The following ELL2 variants were observed in gnomAD, a reference collection of about 807,000 sequenced individuals.
ELL2 encodes RNA polymerase II elongation factor ELL2.
In ELL2, 21 loss-of-function variants were observed where a neutral mutation model predicts 72.8. That is an observed-to-expected ratio of 0.29 (90% CI 0.20 to 0.42). The LOEUF (loss-of-function observed/expected upper bound fraction) is 0.42. Ranked by LOEUF, ELL2 falls within the 10% of genes least tolerant of loss-of-function variation. The probability of loss-of-function intolerance (pLI) is 1.00; values close to 1 mark genes in which losing one functional copy is unlikely to be tolerated. For missense variants in ELL2, 568 were observed against 772.8 expected, an observed-to-expected ratio of 0.73 and a Z score of 3.14; for synonymous variants, 266 against 283.2, an observed-to-expected ratio of 0.94 and a Z score of 0.61.
intron 7 of ELL2, 91 bp from the exon 8 acceptor site, chr5:95,898,901 C>G: frequency 7.7e-6 from 7 of 913,658 alleles, no homozygotes; most frequent in African/African-American, 1.7e-5. Context: ...ACTAAGTAAC[C>G]TTACTTACTA....
At chr5:95,935,000 A>G (rs1284631924) in intron 2 of ELL2, among the ~76,000 whole-genome samples, 2 of 152,212 alleles carry the variant, frequency 1.3e-5, no homozygotes, top group African/African-American at 4.8e-5. Context: ...ATGAAGTTCA[A>G]TGTCATAATA....
Position 95,886,293 on chromosome 5 carries a change from T to G in ELL2, c.*2578A>C, listed in dbSNP as rs1009353523. On this transcript the variant is annotated 3_prime_UTR_variant, in exon 12 of 12. Coordinates refer to ENST00000237853, the MANE Select transcript of ELL2 (RefSeq NM_012081.6). ...ATCTTCAAAAGGGATGAAACTTGGATAGTAGCAGATTCAGAGATTTATAAT... is the reference window on the plus strand; with the variant it reads ...ATCTTCAAAAGGGATGAAACTTGGAGAGTAGCAGATTCAGAGATTTATAAT... The G allele has an allele frequency of 6.6e-6, 1 of 152,202 alleles. No homozygotes were observed. Among genetic ancestry groups the G allele is most frequent in the African/African-American group, 2.4e-5 (1 of 41,450 alleles). The allele number at this position is 152,202 out of a possible 1,614,324, so 9.4% of individuals were successfully genotyped here.
chr5:95,942,338 A>T (rs1009277898), intron 2 of ELL2, among the ~76,000 whole-genome samples: 1 of 152,118 alleles, frequency 6.6e-6, no homozygotes, highest in Non-Finnish European at 1.5e-5. Context: ...TTAAATGAAG[A>T]AGCAAAAAGA....
At chr5:95,909,890 G>C (rs966361375) in intron 4 of ELL2, among the ~76,000 whole-genome samples, 2 of 152,128 alleles carry the variant, frequency 1.3e-5, no homozygotes, top group South Asian at 4.1e-4. Context: ...AGACAGAAGG[G>C]ACTGCAGCCA....
chr5:95,894,106 C>A (rs1580478148), intron 9 of ELL2, among the ~76,000 whole-genome samples: 1 of 152,066 alleles, frequency 6.6e-6, no homozygotes, highest in African/African-American at 2.4e-5. Flanking sequence ...CAAAAAATTA[C>A]CCAGGCGTGG....
intron 2 of ELL2, 67 bp downstream of exon 2, chr5:95,942,935 G>A (rs913492798): frequency 5.5e-6 from 7 of 1,263,514 alleles, no homozygotes; most frequent in East Asian, 2.8e-5. Flanking sequence ...AACTGAAAAC[G>A]GATTTTAAAA....
At position 95,888,636 on chromosome 5, in the gene ELL2, AT is replaced by A. The variant is rs1218541757; in HGVS notation, c.*234del. On this transcript the variant is annotated 3_prime_UTR_variant, in exon 12 of 12. Transcript: ENST00000237853. ...CAATGGATCCCCAATACCTAAAAAA[AT>A]TATTTCTATTAACAAACACAAGTCT... 1 of 319,642 alleles carries A rather than the reference AT, an allele frequency of 3.1e-6. No homozygotes were observed. Among genetic ancestry groups the A allele is most frequent in the African/African-American group, 2.2e-5 (1 of 46,396 alleles). 19.8% of individuals were successfully genotyped at this position (319,642 alleles called of 1,614,324 possible). A position where few individuals can be genotyped will look rare whatever the true frequency, so the allele number is the denominator to read the frequency against.
rs150673495 is a variant in ELL2 at position 95,916,131 on chromosome 5, T to C, written c.318-2197A>G. On this transcript the variant is annotated intron_variant, in intron 3 of 11. Transcript: ENST00000237853. ...TAGAATAGTACACAGCTTCCAGAGA[T>C]AGTGAGGAAGTGGAACTGACAAAAC... 2.7e-3 allele frequency among the ~76,000 whole-genome samples: 412 copies of C among 150,822 alleles called. 3 individuals are homozygous for C. Among genetic ancestry groups the C allele is most frequent in the African/African-American group, 9.7e-3 (397 of 40,972 alleles).
intron 2 of ELL2, among the ~76,000 whole-genome samples, chr5:95,934,882 T>C (rs1305698763): frequency 2.0e-5 from 3 of 152,216 alleles, no homozygotes; most frequent in Non-Finnish European, 2.9e-5. Context: ...TATTGAAACA[T>C]GTTCTGGTTT....
intron 2 of ELL2, among the ~76,000 whole-genome samples, chr5:95,942,603 G>C (rs1751009037): frequency 6.6e-6 from 1 of 152,004 alleles, no homozygotes; most frequent in Non-Finnish European, 1.5e-5. Flanking sequence ...ACTTAAAAAA[G>C]TGCACACACA....
At chr5:95,960,425 A>AT (rs941310478) in intron 1 of ELL2, among the ~76,000 whole-genome samples, 12 of 147,132 alleles carry the variant, frequency 8.2e-5, no homozygotes, top group Non-Finnish European at 1.7e-4. Context: ...TGTCTCTCCC[A>AT]TTTTTTTTCC....
intron 8 of ELL2, among the ~76,000 whole-genome samples, chr5:95,896,338 T>C (rs959241884): frequency 6.6e-6 from 1 of 152,228 alleles, no homozygotes; most frequent in South Asian, 2.1e-4. Flanking sequence ...AGTGAAAGTA[T>C]GTAAATCCCT....
At chr5:95,916,920 TAGTG>T (rs1308563672) in intron 3 of ELL2, among the ~76,000 whole-genome samples, 1 of 152,122 alleles carries the variant, frequency 6.6e-6, no homozygotes. Context: ...GTAATTTACA[TAGTG>T]AGAATAAGCT....
At chr5:95,926,319 G>A (rs1354054833) in intron 2 of ELL2, among the ~76,000 whole-genome samples, 1 of 152,130 alleles carries the variant, frequency 6.6e-6, no homozygotes, top group Non-Finnish European at 1.5e-5. Flanking sequence ...TATTCCTACT[G>A]ACAGGGAAGG....
intron 2 of ELL2, among the ~76,000 whole-genome samples, chr5:95,920,294 T>TATTC (rs1750003625): frequency 6.9e-6 from 1 of 143,966 alleles, no homozygotes; most frequent in Non-Finnish European, 1.5e-5. Flanking sequence ...TTTATTTATT[T>TATTC]ATTTATTTAT....
At chr5:95,921,049 TAA>T (rs1240933793) in intron 2 of ELL2, among the ~76,000 whole-genome samples, 1 of 151,644 alleles carries the variant, frequency 6.6e-6, no homozygotes, top group African/African-American at 2.4e-5. Flanking sequence ...TTGCTCAATC[TAA>T]AAGTCTCCCA....
intron 2 of ELL2, chr5:95,932,544 G>C (rs895187360): frequency 6.6e-6 from 1 of 152,088 alleles, no homozygotes; most frequent in African/African-American, 2.4e-5. Flanking sequence ...ATTCTGCTAG[G>C]AGGTAGAACC....
chr5:95,911,334 A>G (rs1749586206), intron 4 of ELL2, among the ~76,000 whole-genome samples: 2 of 146,916 alleles, frequency 1.4e-5, no homozygotes, highest in African/African-American at 2.6e-5. Flanking sequence ...GTATTCAGAA[A>G]TGATCACACT....
intron 10 of ELL2, among the ~76,000 whole-genome samples, chr5:95,889,884 G>A (rs909693144): frequency 7.2e-6 from 1 of 139,378 alleles, no homozygotes; most frequent in Non-Finnish European, 1.6e-5. Context: ...TGTGGGGATT[G>A]GTGAGGGGGG....
Sources: gnomAD v4.1 joint callset for allele counts (sites outside exome capture counted in the v4.1 genomes callset) on GRCh38, gnomAD v4.1.1 for gene constraint, MANE v1.5 for transcripts, NCBI Gene and HGNC (gene_info 2026-07-23, HGNC 2026-07-21) for gene names.